Variants in SYNPR observed in about 807,000 individuals in gnomAD.
The protein encoded by SYNPR is synaptoporin.
A neutral mutation model predicts 32.9 loss-of-function variants in SYNPR; 23 were observed. That is an observed-to-expected ratio of 0.70 (90% CI 0.50 to 0.99). SYNPR has a LOEUF of 0.99. Ranked by LOEUF, SYNPR falls within the 50% of genes least tolerant of loss-of-function variation. The probability of loss-of-function intolerance (pLI) is 0.00; values close to 1 mark genes in which losing one functional copy is unlikely to be tolerated. For missense variants in SYNPR, 318 were observed against 349.3 expected, an observed-to-expected ratio of 0.91 and a Z score of 0.71; for synonymous variants, 146 against 135.9, an observed-to-expected ratio of 1.07 and a Z score of -0.52.
chr3:63,346,313 T>A (rs2087436634), intron 2 of SYNPR, among the ~76,000 whole-genome samples: 1 of 151,556 alleles, frequency 6.6e-6, no homozygotes, highest in Admixed American at 6.6e-5. Context: ...ATTTTTTTCA[T>A]TTTTTTGGTA....
intron 2 of SYNPR, among the ~76,000 whole-genome samples, chr3:63,265,202 G>A (rs973758534): frequency 5.5e-5 from 8 of 144,182 alleles, no homozygotes; most frequent in African/African-American, 1.8e-4. Flanking sequence ...GTGTTTTTAA[G>A]TATACAGTAT....
intron 3 of SYNPR, among the ~76,000 whole-genome samples, chr3:63,488,050 T>C (rs903091087): frequency 2.0e-5 from 3 of 152,148 alleles, no homozygotes; most frequent in Non-Finnish European, 4.4e-5. Flanking sequence ...GTTTGGGCCA[T>C]TATCTAGTAA....
intron 5 of SYNPR, chr3:63,610,326 G>A: frequency 4.5e-6 from 2 of 447,638 alleles, no homozygotes; most frequent in Non-Finnish European, 8.0e-6. Context: ...GAAAGAAGCT[G>A]TATCTGAGAA....
At chr3:63,593,772 T>A (rs1369574433) in intron 4 of SYNPR, among the ~76,000 whole-genome samples, 1 of 152,136 alleles carries the variant, frequency 6.6e-6, no homozygotes, top group East Asian at 1.9e-4. Context: ...TCTCTCTTTT[T>A]GCAAAATCCT....
intron 3 of SYNPR, among the ~76,000 whole-genome samples, chr3:63,490,607 T>G (rs945177131): frequency 6.6e-6 from 1 of 152,126 alleles, no homozygotes; most frequent in Admixed American, 6.5e-5. Context: ...ATGGTGCATC[T>G]ATAGTCCAGT....
the SYNPR span, among the ~76,000 whole-genome samples, chr3:63,208,689 G>A: frequency 1.3e-5 from 2 of 152,188 alleles, no homozygotes; most frequent in Non-Finnish European, 2.9e-5. Flanking sequence ...GGGAAGGCCT[G>A]CAAACTCTGT....
chr3:63,201,772 A>G, the SYNPR span, among the ~76,000 whole-genome samples: 1 of 152,192 alleles, frequency 6.6e-6, no homozygotes, highest in East Asian at 1.9e-4. Context: ...AATACATGAA[A>G]GTGTCAAGAG....
chr3:63,298,771 G>A (rs542166696), intron 2 of SYNPR, among the ~76,000 whole-genome samples: 17 of 152,236 alleles, frequency 1.1e-4, no homozygotes, highest in Admixed American at 2.0e-4. Context: ...ATGAGACAGG[G>A]AATGGAAGTA....
rs6147854 is a variant in SYNPR at position 63,479,446 on chromosome 3, G to GCGCGCACACACACACA, written c.85-1385_85-1384insGCGCACACACACACAC. ...AGTCACTTAAAACTGCCACACACAT[G>GCGCGCACACACACACA]CACACACACATACACACACACACAC... On this transcript the variant is annotated intron_variant, in intron 2 of 5. Coordinates refer to ENST00000478300, the MANE Select transcript of SYNPR (RefSeq NM_001130003.2). 7.9e-3 allele frequency among the ~76,000 whole-genome samples: 1,073 copies of GCGCGCACACACACACA among 135,834 alleles called. 6 individuals carry two copies. Among genetic ancestry groups the GCGCGCACACACACACA allele is most frequent in the Middle Eastern group, 0.014 (4 of 290 alleles). 89.1% of individuals were successfully genotyped at this position (135,834 alleles called of 152,430 possible). A position where few individuals can be genotyped will look rare whatever the true frequency, so the allele number is the denominator to read the frequency against.
At chr3:63,607,924 G>A (rs780002853) in intron 4 of SYNPR, among the ~76,000 whole-genome samples, 3 of 152,190 alleles carry the variant, frequency 2.0e-5, no homozygotes, top group Middle Eastern at 3.4e-3. Flanking sequence ...CTATGCCCTC[G>A]GGCAGGAAAG....
intron 1 of SYNPR, among the ~76,000 whole-genome samples, chr3:63,243,189 A>G (rs7650773): frequency 6.6e-6 from 1 of 151,998 alleles, no homozygotes; most frequent in Non-Finnish European, 1.5e-5. Context: ...AATTGACAAA[A>G]GTAATCAATT....
intron 2 of SYNPR, among the ~76,000 whole-genome samples, chr3:63,475,395 G>T (rs1464661652): frequency 6.6e-6 from 1 of 152,180 alleles, no homozygotes; most frequent in East Asian, 1.9e-4. Flanking sequence ...TGAGGTGTCT[G>T]CTTTGTTTGA....
chr3:63,201,458 G>A, the SYNPR span, among the ~76,000 whole-genome samples: 1 of 152,096 alleles, frequency 6.6e-6, no homozygotes, highest in Non-Finnish European at 1.5e-5. Context: ...CAATGACAAG[G>A]CAAGCTGAAA....
At chr3:63,223,341 T>G (rs553919698), upstream of SYNPR, among the ~76,000 whole-genome samples, 122 of 95,528 alleles carry the variant, frequency 1.3e-3, 1 homozygote, top group Non-Finnish European at 2.5e-3. Context: ...TCTTTGTTGA[T>G]GTATGTGACA....
chr3:63,493,216 T>C (rs1193847257), intron 3 of SYNPR, among the ~76,000 whole-genome samples: 1 of 151,972 alleles, frequency 6.6e-6, no homozygotes, highest in East Asian at 1.9e-4. Context: ...TAGAATGGCA[T>C]TTTGTGAGCC....
intron 2 of SYNPR, among the ~76,000 whole-genome samples, chr3:63,350,543 T>G (rs2087493464): frequency 4.6e-5 from 7 of 152,218 alleles, no homozygotes; most frequent in Admixed American, 4.6e-4. Flanking sequence ...TGCGTGCATA[T>G]GCACACATGC....
At chr3:63,245,635 ATAGT>A (rs1256039764) in intron 1 of SYNPR, among the ~76,000 whole-genome samples, 8 of 151,418 alleles carry the variant, frequency 5.3e-5, no homozygotes, top group South Asian at 2.1e-4. Context: ...TGCTCAGTAC[ATAGT>A]TAGTGCCAAT....
intron 4 of SYNPR, among the ~76,000 whole-genome samples, chr3:63,607,399 G>C (rs1216928807): frequency 6.6e-6 from 1 of 152,132 alleles, no homozygotes. Context: ...TTCAAATTCA[G>C]ACCCAAACAC....
chr3:63,329,417 A>G (rs1425634691), intron 2 of SYNPR, among the ~76,000 whole-genome samples: 2 of 152,186 alleles, frequency 1.3e-5, no homozygotes, highest in African/African-American at 4.8e-5. Flanking sequence ...ATCTAAATCT[A>G]GTCCTTTAAC....
Sources: allele counts gnomAD v4.1 joint callset (sites outside exome capture counted in the v4.1 genomes callset), GRCh38; gene constraint gnomAD v4.1.1; transcripts MANE v1.5; gene names NCBI Gene and HGNC (gene_info 2026-07-23, HGNC 2026-07-21).